USP54: variants seen among roughly 807,000 people sequenced by gnomAD.
The protein encoded by USP54 is ubiquitin specific peptidase 54.
USP54 carries 87 observed loss-of-function variants against 170.5 expected under a neutral mutation model. The ratio of observed to expected loss-of-function variants is 0.51; its 90% CI spans 0.43 to 0.61. The LOEUF (loss-of-function observed/expected upper bound fraction) is 0.61, where lower values mean the gene tolerates loss of function less well. Ranked by LOEUF, USP54 falls within the 20% of genes least tolerant of loss-of-function variation. The probability of loss-of-function intolerance (pLI) is 0.00; values close to 1 mark genes in which losing one functional copy is unlikely to be tolerated. For missense variants in USP54, 1,786 were observed against 2,047.8 expected, an observed-to-expected ratio of 0.87 and a Z score of 2.47; for synonymous variants, 655 against 742.8, an observed-to-expected ratio of 0.88 and a Z score of 1.92.
chr10:73,564,018 C>T (rs570749330), intron 4 of USP54, among the ~76,000 whole-genome samples: 2 of 151,340 alleles, frequency 1.3e-5, no homozygotes, highest in Non-Finnish European at 3.0e-5. Flanking sequence ...AAAAAAAACA[C>T]TGAGACAGAG....
chr10:73,556,596 G>A lies in USP54; in HGVS notation c.241-10924C>T, dbSNP rs180907212. ...CCTGACCTCGTGATCCACCCGTCTC[G>A]GCCTCCCAAAGTGCTGGGATTACAG... On this transcript the variant is annotated intron_variant, in intron 4 of 23. Transcript: ENST00000687698. Among the ~76,000 whole-genome samples the A allele has an allele frequency of 6.6e-5, 10 of 151,788 alleles. No individual in the cohort carries two copies. In the East Asian group the frequency reaches 1.5e-3, roughly 24 times the overall value.
chr10:73,553,161 T>TCTGG (rs1391223896), intron 4 of USP54: 1 of 152,226 alleles, frequency 6.6e-6, no homozygotes, highest in Non-Finnish European at 1.5e-5. Context: ...TAACAATAGA[T>TCTGG]CTGGCTCCCC....
At position 73,530,343 on chromosome 10, in the gene USP54, T is replaced by G. The variant is rs985354014; in HGVS notation, c.1628A>C (p.Lys543Thr). ...GTGTAAAGGCAGGGTCCTAGGAGGT[T>G]TTTTGTCAGGCTGGTCTCCTCCTCT... ...RGRGGDQPDK[K>T]PPRTLPLHSR... Residue 543 changes from lysine to threonine, a missense_variant, in exon 14 of 24, where the codon AAA (lysine) becomes ACA (threonine). By Grantham distance (78) the Lys-to-Thr change is moderately conservative. Coordinates refer to ENST00000687698, the MANE Select transcript of USP54 (RefSeq NM_001391956.1). The G allele has an allele frequency of 6.2e-7, 1 of 1,614,014 alleles. No homozygotes were observed.
chr10:73,505,401 C>A lies in USP54; in HGVS notation c.4077G>T (p.Arg1359Ser), dbSNP rs1163006610. Residue 1359 changes from arginine (R) to serine (S), a missense_variant, in exon 21 of 24, where the codon AGG (arginine) becomes AGT (serine). Physicochemically the swap from Arg to Ser is moderately radical, Grantham distance 110. This residue lies in a region of USP54 where 1,418 missense variants were observed against 1,569.0 expected (regional missense o/e 0.90). Coordinates refer to ENST00000687698, the MANE Select transcript of USP54 (RefSeq NM_001391956.1). ...QTGSADGMGR[R>S]LHSAHDPGLS... is the part of the protein sequence containing the mutation. ...GACCAGGATCATGGGCTGAGTGCAA[C>A]CTCCTCCCCATGCCATCTGCAGAGC... The A allele has an allele frequency of 3.7e-6, 6 of 1,614,126 alleles. No individual in the cohort carries two copies. In the Admixed American group the frequency reaches 8.3e-5, roughly 22 times the overall value.
At chr10:73,567,226 T>C (rs964505150) in intron 4 of USP54, among the ~76,000 whole-genome samples, 6 of 152,206 alleles carry the variant, frequency 3.9e-5, no homozygotes, top group African/African-American at 1.4e-4. Context: ...TGCAAGGGTG[T>C]TGACTTTGAT....
chr10:73,598,876 C>T (rs1169832604), intron 1 of USP54, among the ~76,000 whole-genome samples: 5 of 152,018 alleles, frequency 3.3e-5, no homozygotes, highest in Admixed American at 6.6e-5. Context: ...GCCAACAGAG[C>T]GCCACTGCAC....
intron 1 of USP54, among the ~76,000 whole-genome samples, chr10:73,622,143 C>G (rs2081142810): frequency 1.3e-5 from 2 of 152,142 alleles, no homozygotes; most frequent in Non-Finnish European, 2.9e-5. Context: ...TCTTTGGTAA[C>G]TTCCTGAACT....
chr10:73,530,832 T>A lies in USP54; in HGVS notation c.1319A>T (p.His440Leu). 1 of 1,613,886 alleles carries A rather than the reference T, an allele frequency of 6.2e-7. No individual in the cohort carries two copies. Among genetic ancestry groups the A allele is most frequent in the Non-Finnish European group, 8.5e-7 (1 of 1,179,854 alleles). ...SMSQSSRDTG[H>L]LTDSECNQKH... Reference sequence around the variant, plus strand: ...CTGATTACATTCACTATCAGTCAGGTGTCCTGAAAAAACAAGGAAATTGGG... The same window carrying A: ...CTGATTACATTCACTATCAGTCAGGAGTCCTGAAAAAACAAGGAAATTGGG... Residue 440 changes from histidine to leucine, a missense_variant, in exon 13 of 24, where the codon CAC (histidine) becomes CTC (leucine). His to Leu is a moderately conservative substitution (Grantham distance 99, BLOSUM62 -3). Transcript: ENST00000687698.
At chr10:73,507,168 T>C (rs1489814747) in intron 20 of USP54, 2 of 151,582 alleles carry the variant, frequency 1.3e-5, no homozygotes, top group Admixed American at 6.6e-5. Flanking sequence ...TAGGTCTACA[T>C]AGGATTGTAT....
intron 4 of USP54, among the ~76,000 whole-genome samples, chr10:73,547,540 G>C (rs1590246331): frequency 6.6e-6 from 1 of 152,218 alleles, no homozygotes; most frequent in East Asian, 1.9e-4. Flanking sequence ...CAGAGATATA[G>C]ACCAATGGAA....
At chr10:73,586,381 T>C (rs1010237170) in intron 1 of USP54, among the ~76,000 whole-genome samples, 9 of 152,210 alleles carry the variant, frequency 5.9e-5, no homozygotes, top group Non-Finnish European at 1.2e-4. Flanking sequence ...CCCAATTTAT[T>C]TCATCCTCCT....
At chr10:73,526,258 T>G (rs1328384108) in intron 16 of USP54, among the ~76,000 whole-genome samples, 1 of 151,854 alleles carries the variant, frequency 6.6e-6, no homozygotes, top group Admixed American at 6.6e-5. Flanking sequence ...ACTGTCCTCT[T>G]TTTTTTTGAA....
At chr10:73,578,019 T>C (rs2076350675) in intron 1 of USP54, among the ~76,000 whole-genome samples, 1 of 152,182 alleles carries the variant, frequency 6.6e-6, no homozygotes, top group African/African-American at 2.4e-5. Context: ...AGGTGGGGTT[T>C]CCAATATCCA....
At chr10:73,613,434 G>A (rs955779971) in intron 1 of USP54, among the ~76,000 whole-genome samples, 3 of 150,240 alleles carry the variant, frequency 2.0e-5, no homozygotes, top group African/African-American at 2.4e-5. Context: ...CACCGCACCC[G>A]GCCTACCACC....
intron 17 of USP54, among the ~76,000 whole-genome samples, chr10:73,521,297 A>G (rs2061846701): frequency 6.6e-6 from 1 of 152,192 alleles, no homozygotes; most frequent in African/African-American, 2.4e-5. Flanking sequence ...TCAAGGAAGG[A>G]GCTCCAGTGG....
At chr10:73,593,244 G>A (rs1161412113), upstream of USP54, among the ~76,000 whole-genome samples, 1 of 151,840 alleles carries the variant, frequency 6.6e-6, no homozygotes, top group Non-Finnish European at 1.5e-5. Flanking sequence ...TGGTGTGGTG[G>A]CACGCACCTC....
chr10:73,525,569 G>A (rs887586484), intron 16 of USP54, among the ~76,000 whole-genome samples: 1 of 152,172 alleles, frequency 6.6e-6, no homozygotes, highest in Non-Finnish European at 1.5e-5. Context: ...TGAAGAGAAG[G>A]GAGAATAGTC....
At chr10:73,546,841 A>T (rs955042401) in intron 4 of USP54, among the ~76,000 whole-genome samples, 2 of 152,208 alleles carry the variant, frequency 1.3e-5, no homozygotes, top group African/African-American at 4.8e-5. Flanking sequence ...GGCTGTCTCC[A>T]ATTTTTTGCT....
Position 73,516,916 on chromosome 10 carries a change from A to G in USP54, c.3510T>C (p.Pro1170=). ...RKNSSPSDSK[P]PFSQGQEKGH... ...CTTTCTCTTGACCCTGTGAGAAAGGAGGCTTAGAATCAGAAGGGGAAGAGT... is the reference window on the plus strand; with the variant it reads ...CTTTCTCTTGACCCTGTGAGAAAGGGGGCTTAGAATCAGAAGGGGAAGAGT... Residue 1170 remains proline (P), a synonymous_variant, in exon 20 of 24, where the codon CCT becomes CCC. Transcript: ENST00000687698. The G allele has an allele frequency of 6.2e-7, 1 of 1,614,170 alleles. No homozygotes were observed. The highest frequency in any genetic ancestry group is 1.1e-5 in the South Asian group (1 of 91,082).
Sources: allele counts gnomAD v4.1 joint callset (sites outside exome capture counted in the v4.1 genomes callset), GRCh38; gene constraint gnomAD v4.1.1; regional missense constraint gnomAD v4.1.1; transcripts MANE v1.5; gene names NCBI Gene and HGNC (gene_info 2026-07-23, HGNC 2026-07-21).